Variants in PARD3 observed in about 807,000 individuals in gnomAD.
The protein encoded by PARD3 is partitioning defective 3 homolog.
In PARD3, 75 loss-of-function variants were observed where a neutral mutation model predicts 155.4. The ratio of observed to expected loss-of-function variants is 0.48; its 90% CI spans 0.40 to 0.58. PARD3 has a LOEUF of 0.58. Ranked by LOEUF, PARD3 falls within the 20% of genes least tolerant of loss-of-function variation. The pLI is 0.00. For synonymous variants in PARD3, 576 were observed against 610.5 expected, an observed-to-expected ratio of 0.94 and a Z score of 0.83; for missense variants, 1,642 against 1,721.7, an observed-to-expected ratio of 0.95 and a Z score of 0.82.
intron 5 of PARD3, among the ~76,000 whole-genome samples, chr10:34,423,365 TAGG>T (rs1387357894): frequency 6.6e-6 from 1 of 151,952 alleles, no homozygotes; most frequent in Admixed American, 6.6e-5. Context: ...AAATTTCCAT[TAGG>T]AGGAAAAAGT....
At chr10:34,651,933 GCCC>G (rs2093025769) in intron 2 of PARD3, among the ~76,000 whole-genome samples, 1 of 152,020 alleles carries the variant, frequency 6.6e-6, no homozygotes, top group African/African-American at 2.4e-5. Context: ...TTAATGACTG[GCCC>G]CTAAGAAGTT....
chr10:34,552,368 G>A (rs2084651988), intron 2 of PARD3, among the ~76,000 whole-genome samples: 1 of 152,196 alleles, frequency 6.6e-6, no homozygotes, highest in African/African-American at 2.4e-5. Context: ...CCCAAAGACT[G>A]GGATTACAGC....
chr10:34,678,342 G>C (rs2093750645), intron 2 of PARD3, among the ~76,000 whole-genome samples: 1 of 152,100 alleles, frequency 6.6e-6, no homozygotes, highest in Admixed American at 6.6e-5. Flanking sequence ...TCAAAGTGCT[G>C]GGATTACAAG....
At position 34,432,272 on chromosome 10, in the gene PARD3, G is replaced by A. The variant is rs1161860715; in HGVS notation, c.714+18045C>T. ...GGGAGACAAATATTACATAGGTCTA[G>A]TCAAAAGGAATATGGCTGAAATGAG... On this transcript the variant is annotated intron_variant, in intron 5 of 24. Coordinates refer to ENST00000374788, the MANE Select transcript of PARD3 (RefSeq NM_001184785.2). 7.3e-5 allele frequency among the ~76,000 whole-genome samples: 11 copies of A among 150,918 alleles called. No homozygotes were observed. The Admixed American group carries it at 7.3e-4, about 10-fold the overall frequency.
At chr10:34,422,614 A>G (rs1320771622) in intron 5 of PARD3, among the ~76,000 whole-genome samples, 4 of 152,314 alleles carry the variant, frequency 2.6e-5, no homozygotes, top group Admixed American at 6.5e-5. Flanking sequence ...CGATTTAAAA[A>G]TGGGCAAATA....
intron 11 of PARD3, among the ~76,000 whole-genome samples, chr10:34,374,131 CA>C (rs1289840979): frequency 6.6e-6 from 1 of 152,108 alleles, no homozygotes; most frequent in Non-Finnish European, 1.5e-5. Flanking sequence ...GCAACTCCTC[CA>C]ATTATGTCAT....
chr10:34,623,783 C>T (rs1181191292), intron 2 of PARD3, among the ~76,000 whole-genome samples: 1 of 149,836 alleles, frequency 6.7e-6, no homozygotes, highest in Non-Finnish European at 1.5e-5. Flanking sequence ...AGATCGAAAC[C>T]ATCCTGGCTA....
Position 34,378,106 on chromosome 10 carries a change from C to T in PARD3, c.1400G>A (p.Gly467Asp), listed in dbSNP as rs201838836. Residue 467 changes from glycine to aspartate, a missense_variant and splice_region_variant, in exon 10 of 25, where the codon GGT becomes GAT. Gly to Asp is a moderately conservative substitution (Grantham distance 94). Around this residue, in one of 3 missense-constraint regions of PARD3, gnomAD observed 1,529 missense variants for 1,587.3 expected, o/e 0.96. Coordinates refer to ENST00000374788, the MANE Select transcript of PARD3 (RefSeq NM_001184785.2). ...GKRLNIQLKK[G>D]TEGLGFSITS... ...GATGCTGAATCCCAAACCTTCTGTA[C>T]CTAGGTATGTGAAGGAGAAGAAAAG... 1.3e-6 allele frequency: 2 copies of T among 1,583,678 alleles called. No homozygotes were observed. The highest frequency in any genetic ancestry group is 1.7e-6 in the Non-Finnish European group (2 of 1,167,322).
chr10:34,345,061 T>C (rs898146267), intron 15 of PARD3: 87 of 983,528 alleles, frequency 8.8e-5, no homozygotes, highest in Non-Finnish European at 9.7e-5. Flanking sequence ...TGCTTACAGA[T>C]GTAGATAATT....
intron 2 of PARD3, among the ~76,000 whole-genome samples, chr10:34,654,999 T>A (rs1438531820): frequency 6.6e-6 from 1 of 151,974 alleles, no homozygotes; most frequent in African/African-American, 2.4e-5. Flanking sequence ...GACAAATCCT[T>A]TTTCTGAGTC....
intron 2 of PARD3, among the ~76,000 whole-genome samples, chr10:34,625,022 C>A (rs1232504539): frequency 6.6e-6 from 1 of 152,162 alleles, no homozygotes; most frequent in African/African-American, 2.4e-5. Context: ...GAGCCCTCAG[C>A]CCTGGACAAG....
intron 5 of PARD3, among the ~76,000 whole-genome samples, chr10:34,419,045 G>C (rs1293044774): frequency 6.6e-6 from 1 of 151,928 alleles, no homozygotes; most frequent in East Asian, 1.9e-4. Flanking sequence ...CAAAGTGCTG[G>C]GATTACAGGC....
At chr10:34,138,057 C>A (rs1439195178) in intron 22 of PARD3, among the ~76,000 whole-genome samples, 4 of 152,144 alleles carry the variant, frequency 2.6e-5, no homozygotes, top group African/African-American at 9.7e-5. Context: ...CACATAGGCC[C>A]TGCCCACAAG....
At chr10:34,394,886 T>C (rs1843170950) in intron 7 of PARD3, among the ~76,000 whole-genome samples, 1 of 151,712 alleles carries the variant, frequency 6.6e-6, no homozygotes, top group East Asian at 1.9e-4. Flanking sequence ...GCAGTACCTA[T>C]GGTCCTGTAG....
intron 22 of PARD3, among the ~76,000 whole-genome samples, chr10:34,252,693 A>C (rs1954391051): frequency 6.6e-6 from 1 of 151,996 alleles, no homozygotes; most frequent in South Asian, 2.1e-4. Flanking sequence ...AACTTCTGTG[A>C]ATATATATGT....
chr10:34,717,062 G>A (rs2094532861), intron 1 of PARD3, among the ~76,000 whole-genome samples: 1 of 151,994 alleles, frequency 6.6e-6, no homozygotes, highest in Admixed American at 6.6e-5. Flanking sequence ...CCAAAAGATT[G>A]GACCCCCCTG....
chr10:34,401,882 A>G lies in PARD3; in HGVS notation c.750T>C (p.Val250=). Residue 250 remains valine (V), a synonymous_variant, in exon 6 of 25, where the codon GTT becomes GTC. Transcript: ENST00000374788. ...CCGTGTCAGCATGTCCAACAGGTTCAACACGACTGTTATCCTCTTCTGTCC... is the reference window on the plus strand; with the variant it reads ...CCGTGTCAGCATGTCCAACAGGTTCGACACGACTGTTATCCTCTTCTGTCC... ...EDGTEEDNSR[V]EPVGHADTGL... 3 of 1,613,686 alleles carry G rather than the reference A, an allele frequency of 1.9e-6. No homozygotes were observed. Among genetic ancestry groups the G allele is most frequent in the Non-Finnish European group, 2.5e-6 (3 of 1,179,618 alleles).
At chr10:34,361,686 T>C (rs1029732920) in intron 12 of PARD3, among the ~76,000 whole-genome samples, 8 of 152,226 alleles carry the variant, frequency 5.3e-5, no homozygotes, top group African/African-American at 1.9e-4. Context: ...TATAAATCTT[T>C]AGACCCATAG....
At chr10:34,368,682 AAAG>A (rs149299890) in intron 12 of PARD3, among the ~76,000 whole-genome samples, 6,263 of 152,002 alleles carry the variant, frequency 0.041, 408 homozygotes, top group African/African-American at 0.14. Flanking sequence ...AAACAAAAAA[AAAG>A]AAGAAGGTGG....
Sources: gnomAD v4.1 joint callset for allele counts (sites outside exome capture counted in the v4.1 genomes callset) on GRCh38, gnomAD v4.1.1 for gene constraint, gnomAD v4.1.1 regional missense constraint, MANE v1.5 for transcripts, NCBI Gene and HGNC (gene_info 2026-07-23, HGNC 2026-07-21) for gene names.